The following CINP variants were observed in gnomAD, a reference collection of about 807,000 sequenced individuals.
CINP encodes cyclin dependent kinase 2 interacting protein.
CINP carries 11 observed loss-of-function variants against 20.5 expected under a neutral mutation model. The observed-to-expected ratio is 0.54, with a 90% CI of 0.34 to 0.89. CINP has a LOEUF of 0.89. Among genes scored for constraint, CINP ranks in the 40% least tolerant of loss-of-function variants. CINP has a pLI of 0.02. For missense variants in CINP, 213 were observed against 251.0 expected, an observed-to-expected ratio of 0.85 and a Z score of 1.02; for synonymous variants, 108 against 102.1, an observed-to-expected ratio of 1.06 and a Z score of -0.35.
chr14:102,358,488 C>T (rs1378578343), intron 2 of CINP, among the ~76,000 whole-genome samples: 1 of 152,142 alleles, frequency 6.6e-6, no homozygotes, highest in African/African-American at 2.4e-5. Flanking sequence ...TGAGACTAGC[C>T]TGGCCAACAT....
At chr14:102,350,762 T>TAGGGG (rs1886849096) in intron 3 of CINP, among the ~76,000 whole-genome samples, 1 of 151,666 alleles carries the variant, frequency 6.6e-6, no homozygotes, top group Non-Finnish European at 1.5e-5. Context: ...TGAGGCTCTC[T>TAGGGG]GTCTCTCTAT....
In CINP at chr14:102,351,256, G is replaced by T. The variant is rs1311971082; in HGVS notation, c.307-1208C>A. Among the ~76,000 whole-genome samples, 1 of 152,196 alleles carries T rather than the reference G, an allele frequency of 6.6e-6. No homozygotes were observed. Among genetic ancestry groups the T allele is most frequent in the Non-Finnish European group, 1.5e-5 (1 of 68,050 alleles). ...GGAAACGTGGCAAGCTGCCATTGAC[G>T]GTCCCTCAGTGTGGACCAGGCTCTG... On this transcript the variant is annotated intron_variant, in intron 3 of 4. Transcript: ENST00000216756. The surrounding 1 kb of genome is among the most constrained non-coding windows in gnomAD (Gnocchi z 4.2).
At position 102,359,357 on chromosome 14, in the gene CINP, C is replaced by G. The variant is rs927284998; in HGVS notation, c.176+62G>C. 1.0e-5 allele frequency: 13 copies of G among 1,241,868 alleles called. No individual in the cohort carries two copies. The African/African-American group carries it at 2.0e-4, about 19-fold the overall frequency. 76.9% of individuals were successfully genotyped at this position (1,241,868 alleles called of 1,614,324 possible). ...AATATTTTATTTTAAAATTTATTCA[C>G]ATTATTTCCCCAGTTATTAAGGGTG... On this transcript the variant is annotated intron_variant, in intron 2 of 4. Transcript: ENST00000216756.
At chr14:102,361,573 G>A (rs1037070789) in intron 1 of CINP, among the ~76,000 whole-genome samples, 6 of 152,182 alleles carry the variant, frequency 3.9e-5, no homozygotes, top group Non-Finnish European at 8.8e-5. Context: ...CCCGGGAGGC[G>A]GAACTTGCAG....
chr14:102,358,172 G>A (rs1017648747), intron 2 of CINP, among the ~76,000 whole-genome samples: 10 of 152,332 alleles, frequency 6.6e-5, no homozygotes, highest in African/African-American at 1.9e-4. Context: ...TCTTATGGAT[G>A]AGCAAAGAAG....
intron 3 of CINP, 59 bp downstream of exon 3, chr14:102,355,709 A>T (rs2139630885): frequency 6.3e-7 from 1 of 1,598,614 alleles, no homozygotes; most frequent in East Asian, 2.2e-5. Context: ...GCAAACCCCA[A>T]ATACGTCCAT....
chr14:102,352,880 C>T (rs1453081166), intron 3 of CINP, among the ~76,000 whole-genome samples: 2 of 151,892 alleles, frequency 1.3e-5, no homozygotes, highest in Non-Finnish European at 2.9e-5. Flanking sequence ...AACTCTTGAC[C>T]TCAGGTGATC....
intron 2 of CINP, among the ~76,000 whole-genome samples, chr14:102,356,810 A>G (rs1179319432): frequency 6.6e-6 from 1 of 152,174 alleles, no homozygotes; most frequent in Admixed American, 6.5e-5. Context: ...GTGCATATAT[A>G]ACGGCAAGCT....
At position 102,349,937 on chromosome 14, in the gene CINP, A is replaced by T. The variant is rs370720843; in HGVS notation, c.418T>A (p.Trp140Arg). 15 of 1,613,714 alleles carry T rather than the reference A, an allele frequency of 9.3e-6. No individual in the cohort carries two copies. The highest frequency in any genetic ancestry group is 1.3e-5 in the Non-Finnish European group (15 of 1,179,944). ...ESKRPPLFHT[W>R]PTTHFYEVSH... ...TACTTACAGAAATGGGTTGTAGGCC[A>T]CGTGTGGAACAGAGGGGGTCGTTTA... The change falls in exon 4 of 5, where the codon TGG (tryptophan) becomes AGG (arginine). Residue 140 changes from tryptophan to arginine, a missense_variant. Coordinates refer to ENST00000216756, the MANE Select transcript of CINP (RefSeq NM_032630.3).
In CINP at chr14:102,359,971, T is replaced by C. The variant is rs377331191; in HGVS notation, c.8-384A>G. On this transcript the variant is annotated intron_variant, in intron 1 of 4. Transcript: ENST00000216756. ...CCCTGACTCCCGAGTACTTCCACTATCTAGTCTCAGGCACTCTGATACTTT... is the reference window on the plus strand; with the variant it reads ...CCCTGACTCCCGAGTACTTCCACTACCTAGTCTCAGGCACTCTGATACTTT... Among the ~76,000 whole-genome samples, 3 of 152,276 alleles carry C rather than the reference T, an allele frequency of 2.0e-5. No homozygotes were observed. In the South Asian group the frequency reaches 6.2e-4, roughly 32 times the overall value.
Position 102,351,075 on chromosome 14 carries a change from C to T in CINP, c.307-1027G>A, listed in dbSNP as rs547461763. Among the ~76,000 whole-genome samples the T allele has an allele frequency of 2.2e-4, 33 of 152,264 alleles. No individual in the cohort carries two copies. The highest frequency in any genetic ancestry group is 7.7e-4 in the African/African-American group (32 of 41,564). On this transcript the variant is annotated intron_variant, in intron 3 of 4. Transcript: ENST00000216756. This position sits in a 1 kb window ranked among gnomAD's most constrained non-coding sequence, Gnocchi z 4.2. ...TCCTGAACTCGTGATCCGCCCACCT[C>T]GGCCGCCCAAAGTGCTGGGATTCTA...
intron 3 of CINP, chr14:102,352,635 T>G: frequency 2.3e-6 from 1 of 433,110 alleles, no homozygotes; most frequent in Non-Finnish European, 4.6e-6. Context: ...GAATGAGAAC[T>G]TATTCCCAAA....
intron 1 of CINP, 61 bp from the exon 2 acceptor site, chr14:102,359,648 C>T: frequency 8.0e-7 from 1 of 1,252,774 alleles, no homozygotes. Context: ...AGTTGGAGGG[C>T]AAATGTCCTT....
chr14:102,359,418 C>A lies in CINP; in HGVS notation c.176+1G>T, dbSNP rs1887081732. ...AGCATGAAAAACCAATATGTACTTACAATAAACTGATTTTCAAGTTGGCAA... is the reference window on the plus strand; with the variant it reads ...AGCATGAAAAACCAATATGTACTTAAAATAAACTGATTTTCAAGTTGGCAA... On this transcript the variant is annotated splice_donor_variant, in intron 2 of 4. Coordinates refer to ENST00000216756, the MANE Select transcript of CINP (RefSeq NM_032630.3). LOFTEE classifies it high-confidence loss of function. The A allele has an allele frequency of 1.3e-6, 2 of 1,597,752 alleles. No homozygotes were observed. Among genetic ancestry groups the A allele is most frequent in the South Asian group, 1.1e-5 (1 of 88,382 alleles).
At chr14:102,361,814 G>A (rs1434986250) in intron 1 of CINP, among the ~76,000 whole-genome samples, 1 of 152,166 alleles carries the variant, frequency 6.6e-6, no homozygotes, top group Non-Finnish European at 1.5e-5. Context: ...GCTCTGGATA[G>A]GGCAGTGAAA....
chr14:102,359,622 T>C, intron 1 of CINP, 35 bp from the exon 2 acceptor site: 2 of 1,522,590 alleles, frequency 1.3e-6, no homozygotes, highest in Non-Finnish European at 1.8e-6. Context: ...ATTATTATCA[T>C]GGAATATACA....
chr14:102,352,679 C>CA (rs1886895783), intron 3 of CINP: 3 of 396,350 alleles, frequency 7.6e-6, no homozygotes, highest in Admixed American at 3.0e-5. Flanking sequence ...TTTTTTTTGA[C>CA]ACGGAGTCTC....
At chr14:102,362,704 C>A in intron 1 of CINP, 141 bp downstream of exon 1, 1 of 1,153,416 alleles carries the variant, frequency 8.7e-7, no homozygotes, top group South Asian at 1.3e-5. Context: ...GAGGGGCCTG[C>A]GGGCTAGGCT....
intron 2 of CINP, among the ~76,000 whole-genome samples, chr14:102,358,586 C>T (rs752755654): frequency 1.3e-5 from 2 of 152,064 alleles, no homozygotes; most frequent in Non-Finnish European, 2.9e-5. Flanking sequence ...GAGGCTGAGA[C>T]AGGAGAACCA....
Sources: gnomAD v4.1 joint callset for allele counts (sites outside exome capture counted in the v4.1 genomes callset) on GRCh38, gnomAD v4.1.1 for gene constraint, Gnocchi (gnomAD v3.1) non-coding constraint, MANE v1.5 for transcripts, NCBI Gene and HGNC (gene_info 2026-07-23, HGNC 2026-07-21) for gene names.